The following IFT80 variants were observed in gnomAD, a reference collection of about 807,000 sequenced individuals.
The protein encoded by IFT80 is intraflagellar transport protein 80 homolog.
Under a neutral mutation model 107.9 loss-of-function variants are expected in IFT80, and 79 were observed. That is an observed-to-expected ratio of 0.73 (90% CI 0.61 to 0.88). The LOEUF is 0.88. IFT80 is among the 40% of genes least tolerant of loss of function. The pLI is 0.00. For missense variants in IFT80, 797 were observed against 914.2 expected (o/e 0.87, Z 1.65); for synonymous variants, 299 against 300.9 (o/e 0.99, Z 0.07).
intron 12 of IFT80, among the ~76,000 whole-genome samples, chr3:160,296,603 T>C (rs931024936): frequency 2.0e-5 from 3 of 152,092 alleles, no homozygotes; most frequent in South Asian, 2.1e-4. Flanking sequence ...TACAATTCTT[T>C]GCCTTTTTTT....
At chr3:160,282,844 A>G (rs1159082201) in intron 13 of IFT80, among the ~76,000 whole-genome samples, 2 of 152,140 alleles carry the variant, frequency 1.3e-5, no homozygotes, top group African/African-American at 2.4e-5. Context: ...CTTAAAATAC[A>G]ATAAAATAAT....
chr3:160,285,971 T>A, intron 12 of IFT80, 103 bp from the exon 13 acceptor site: 1 of 786,042 alleles, frequency 1.3e-6, no homozygotes, highest in Non-Finnish European at 2.1e-6. Flanking sequence ...TTTAACTCTC[T>A]AGACCACAGA....
At chr3:160,284,999 T>A (rs778012355) in intron 13 of IFT80, among the ~76,000 whole-genome samples, 6 of 152,156 alleles carry the variant, frequency 3.9e-5, no homozygotes, top group Non-Finnish European at 7.4e-5. Flanking sequence ...GTATACTTTT[T>A]AATGCTTTTT....
intron 8 of IFT80, among the ~76,000 whole-genome samples, chr3:160,328,898 GA>G (rs1718884517): frequency 6.6e-6 from 1 of 151,756 alleles, no homozygotes; most frequent in Non-Finnish European, 1.5e-5. Flanking sequence ...AGAAAAAGCA[GA>G]AAACCAAATA....
Position 160,257,660 on chromosome 3 carries a change from A to G in IFT80, c.*865T>C, listed in dbSNP as rs561048309. 1.3e-5 allele frequency: 2 copies of G among 152,314 alleles called. No homozygotes were observed. Among genetic ancestry groups the G allele is most frequent in the South Asian group, 2.1e-4 (1 of 4,828 alleles). 9.4% of individuals were successfully genotyped at this position (152,314 alleles called of 1,614,324 possible). On this transcript the variant is annotated 3_prime_UTR_variant, in exon 20 of 20. Coordinates refer to ENST00000326448, the MANE Select transcript of IFT80 (RefSeq NM_020800.3). ...TTTATGGGTACAATTTAGTGGCATTAACATTCAAAATGTTGAGCAACCATC... is the reference window on the plus strand; with the variant it reads ...TTTATGGGTACAATTTAGTGGCATTGACATTCAAAATGTTGAGCAACCATC...
intron 19 of IFT80, among the ~76,000 whole-genome samples, chr3:160,266,098 G>A (rs1333033442): frequency 6.6e-6 from 1 of 151,182 alleles, no homozygotes; most frequent in African/African-American, 2.4e-5. Context: ...CATTTATGAA[G>A]AAAAGTAGGA....
chr3:160,374,138 G>C (rs1711793816), intron 5 of IFT80, among the ~76,000 whole-genome samples: 1 of 152,002 alleles, frequency 6.6e-6, no homozygotes, highest in African/African-American at 2.4e-5. Flanking sequence ...ACTGGTGAAG[G>C]GTCTCGGGAA....
intron 8 of IFT80, among the ~76,000 whole-genome samples, chr3:160,336,751 TCAAA>T (rs888374075): frequency 4.6e-5 from 7 of 152,294 alleles, no homozygotes; most frequent in Admixed American, 4.6e-4. Context: ...TCTGTGCCTT[TCAAA>T]CAGTCTTATT....
rs56915671 is a variant in IFT80, at chr3:160,381,239, AATATAT to A, written c.259+258_259+263del. On this transcript the variant is annotated intron_variant, in intron 3 of 19. Coordinates refer to ENST00000326448, the MANE Select transcript of IFT80 (RefSeq NM_020800.3). ...GCAACAGAGTGAGACCCCATCTCTAAATATATATATATATATATATATATATTAAAG... is the reference window on the plus strand; with the variant it reads ...GCAACAGAGTGAGACCCCATCTCTAAATATATATATATATATATATTAAAG... Among the ~76,000 whole-genome samples the A allele has an allele frequency of 1.6e-4, 14 of 86,278 alleles. 1 individual carries two copies. The highest frequency in any genetic ancestry group is 2.2e-4 in the African/African-American group (6 of 27,362). 56.6% of individuals were successfully genotyped at this position (86,278 alleles called of 152,430 possible).
chr3:160,364,505 T>C (rs1441560442), intron 6 of IFT80, among the ~76,000 whole-genome samples: 2 of 152,332 alleles, frequency 1.3e-5, no homozygotes, highest in Middle Eastern at 3.4e-3. Flanking sequence ...TTACTGGGTA[T>C]ATACCCAAAG....
intron 19 of IFT80, among the ~76,000 whole-genome samples, chr3:160,265,793 C>T (rs1408931714): frequency 1.3e-5 from 2 of 152,088 alleles, no homozygotes; most frequent in Non-Finnish European, 2.9e-5. Flanking sequence ...ACCAAAATCA[C>T]CAGATATCTA....
intron 1 of IFT80, among the ~76,000 whole-genome samples, chr3:160,396,786 T>C (rs1386989530): frequency 6.6e-6 from 1 of 152,196 alleles, no homozygotes; most frequent in Admixed American, 6.5e-5. Flanking sequence ...GTCCAAAATA[T>C]TGGCAACAAT....
chr3:160,366,999 TC>T (rs1721917296), intron 5 of IFT80, among the ~76,000 whole-genome samples: 1 of 152,054 alleles, frequency 6.6e-6, no homozygotes, highest in Non-Finnish European at 1.5e-5. Flanking sequence ...GATTTTTACA[TC>T]CCACAAATAA....
rs369919590 is a variant in IFT80, at chr3:160,356,089, G to A, written c.701C>T (p.Ser234Leu). ...NSQPHEHPIT[S>L]VAWAPDGELF... ...TTCTCCATCTGGAGCCCAGGCAACT[G>A]AAGTAATGGGATGCTCATGAGGTTG... The change falls in exon 8 of 20, where the codon TCA (serine) becomes TTA (leucine). Residue 234 changes from serine (S) to leucine (L), a missense_variant. By Grantham distance (145) the Ser-to-Leu change is moderately radical (BLOSUM62 -2). Coordinates refer to ENST00000326448, the MANE Select transcript of IFT80 (RefSeq NM_020800.3). 3 of 1,614,144 alleles carry A rather than the reference G, an allele frequency of 1.9e-6. No individual in the cohort carries two copies. The South Asian group carries it at 3.3e-5, about 18-fold the overall frequency.
chr3:160,360,835 C>A (rs1368717944), intron 6 of IFT80, among the ~76,000 whole-genome samples: 1 of 152,122 alleles, frequency 6.6e-6, no homozygotes, highest in East Asian at 1.9e-4. Context: ...ACCAGGCCTG[C>A]CTTACAAGAG....
At chr3:160,320,598 T>A (rs1196342014) in intron 8 of IFT80, among the ~76,000 whole-genome samples, 4 of 151,880 alleles carry the variant, frequency 2.6e-5, no homozygotes, top group Non-Finnish European at 5.9e-5. Context: ...TAATACATGG[T>A]ATTATATGCA....
At chr3:160,336,304 A>C (rs904985936) in intron 8 of IFT80, among the ~76,000 whole-genome samples, 1 of 152,180 alleles carries the variant, frequency 6.6e-6, no homozygotes, top group Admixed American at 6.5e-5. Context: ...AAATCACTGA[A>C]AATAGTTATC....
chr3:160,266,127 T>C (rs1229877995), intron 19 of IFT80, among the ~76,000 whole-genome samples: 2 of 151,614 alleles, frequency 1.3e-5, no homozygotes, highest in Non-Finnish European at 2.9e-5. Flanking sequence ...CATAGTACCA[T>C]AGGGAGTCAA....
chr3:160,283,701 A>G (rs1714875325), intron 13 of IFT80, among the ~76,000 whole-genome samples: 1 of 152,192 alleles, frequency 6.6e-6, no homozygotes, highest in Admixed American at 6.5e-5. Flanking sequence ...AACCTAGTGT[A>G]TTCTTTTAAA....
Sources: gnomAD v4.1 joint callset for allele counts (sites outside exome capture counted in the v4.1 genomes callset) on GRCh38, gnomAD v4.1.1 for gene constraint, MANE v1.5 for transcripts, NCBI Gene and HGNC (gene_info 2026-07-23, HGNC 2026-07-21) for gene names.